The following FAM193A variants were observed in gnomAD, a reference collection of about 807,000 sequenced individuals.
FAM193A encodes the protein family with sequence similarity 193 member A.
Under a neutral mutation model 126.5 loss-of-function variants are expected in FAM193A, and 22 were observed. The observed-to-expected ratio is 0.17, with a 90% CI of 0.12 to 0.25. The LOEUF (loss-of-function observed/expected upper bound fraction) is 0.25, where lower values mean the gene tolerates loss of function less well. Ranked by LOEUF, FAM193A falls within the 10% of genes least tolerant of loss-of-function variation. FAM193A has a pLI of 1.00. For missense variants in FAM193A, 1,675 were observed against 1,672.8 expected (o/e 1.00, Z -0.02); for synonymous variants, 761 against 646.8 (o/e 1.18, Z -2.68).
chr4:2,620,890 C>G (rs1223874796), intron 2 of FAM193A, among the ~76,000 whole-genome samples: 3 of 150,230 alleles, frequency 2.0e-5, no homozygotes, highest in African/African-American at 4.9e-5. Context: ...GTCAGCCACC[C>G]AGATCCGTGA....
At position 2,699,756 on chromosome 4, in the gene FAM193A, G is replaced by GGGAGGA; in HGVS notation, c.3594_3599dup (p.Glu1198_Glu1199dup). On this transcript the variant is annotated inframe_insertion, in exon 19 of 21. Coordinates refer to ENST00000637812, the MANE Select transcript of FAM193A (RefSeq NM_001366318.2). ...CACCTCCAGGAGGAGCAGAGGCGGC[G>GGGAGGA]GGAGGAGGAGGAGGATGAGGAAGAA... 1 of 1,613,816 alleles carries GGGAGGA rather than the reference G, an allele frequency of 6.2e-7. No individual in the cohort carries two copies. The highest frequency in any genetic ancestry group is 8.5e-7 in the Non-Finnish European group (1 of 1,179,890).
At chr4:2,569,410 G>C (rs905402440) in intron 1 of FAM193A, among the ~76,000 whole-genome samples, 1 of 152,126 alleles carries the variant, frequency 6.6e-6, no homozygotes, top group Admixed American at 6.5e-5. Context: ...CAGCCCAAAG[G>C]TAGTTTATCG....
At chr4:2,665,972 G>T (rs1284337015) in intron 12 of FAM193A, among the ~76,000 whole-genome samples, 2 of 152,130 alleles carry the variant, frequency 1.3e-5, no homozygotes, top group Non-Finnish European at 2.9e-5. Context: ...TCAGCCTCCC[G>T]AGTGCTTTTA....
At chr4:2,714,362 C>T (rs1466427825) in intron 19 of FAM193A, among the ~76,000 whole-genome samples, 1 of 152,136 alleles carries the variant, frequency 6.6e-6, no homozygotes, top group Non-Finnish European at 1.5e-5. Flanking sequence ...CCTCACTCTC[C>T]AGTCACATCC....
intron 18 of FAM193A, 35 bp from the exon 19 acceptor site, chr4:2,699,645 T>C (rs773453979): frequency 1.3e-6 from 2 of 1,563,316 alleles, no homozygotes; most frequent in African/African-American, 1.4e-5. Context: ...TAGCACTCAC[T>C]GTAGTCTTAA....
At chr4:2,678,102 AT>A (rs528514279) in intron 13 of FAM193A, among the ~76,000 whole-genome samples, 131 of 151,922 alleles carry the variant, frequency 8.6e-4, no homozygotes, top group African/African-American at 2.7e-3. Flanking sequence ...GTTTCAAACG[AT>A]TCTCCTGCCT....
At chr4:2,707,665 A>G (rs1291508369) in intron 19 of FAM193A, among the ~76,000 whole-genome samples, 15 of 151,934 alleles carry the variant, frequency 9.9e-5, no homozygotes, top group Non-Finnish European at 1.5e-5. Context: ...GGCTGTTAGA[A>G]GAATCTTTTG....
At chr4:2,558,169 G>C (rs539155327) in intron 1 of FAM193A, among the ~76,000 whole-genome samples, 13 of 151,970 alleles carry the variant, frequency 8.6e-5, no homozygotes, top group Non-Finnish European at 1.3e-4. Flanking sequence ...CTACTGGGAA[G>C]GCTGAAGCAG....
chr4:2,608,093 A>G, intron 2 of FAM193A: 1 of 1,609,506 alleles, frequency 6.2e-7, no homozygotes, highest in Non-Finnish European at 8.5e-7. Flanking sequence ...TCACTCCCAG[A>G]TTAGTGCTTC....
chr4:2,672,635 G>A (rs1577179509), intron 13 of FAM193A, among the ~76,000 whole-genome samples: 2 of 152,302 alleles, frequency 1.3e-5, no homozygotes, highest in Admixed American at 6.5e-5. Flanking sequence ...GGATTTTTCA[G>A]GTGCTATTTC....
chr4:2,602,598 C>G (rs1377837422), intron 2 of FAM193A, among the ~76,000 whole-genome samples: 1 of 151,976 alleles, frequency 6.6e-6, no homozygotes. Flanking sequence ...GGTGATCCAC[C>G]CACCTTGGCC....
chr4:2,646,347 T>A (rs568634952), intron 6 of FAM193A, among the ~76,000 whole-genome samples: 2 of 152,008 alleles, frequency 1.3e-5, no homozygotes, highest in East Asian at 3.9e-4. Context: ...TTTTTTTGTA[T>A]TTTTAGTAGA....
chr4:2,551,650 A>G (rs976486447), intron 1 of FAM193A, among the ~76,000 whole-genome samples: 14 of 151,936 alleles, frequency 9.2e-5, no homozygotes, highest in African/African-American at 3.4e-4. Context: ...GATATTAGTA[A>G]CTTGTTTTTA....
At chr4:2,537,220 C>T (rs1736932320) in intron 1 of FAM193A, 50 bp downstream of exon 1, 1 of 199,062 alleles carries the variant, frequency 5.0e-6, no homozygotes, top group Non-Finnish European at 1.0e-5. Flanking sequence ...GGTTGCCGTT[C>T]CCTCGCGCCT....
intron 2 of FAM193A, among the ~76,000 whole-genome samples, chr4:2,604,376 C>T (rs970611245): frequency 3.9e-5 from 6 of 152,040 alleles, no homozygotes; most frequent in African/African-American, 1.4e-4. Flanking sequence ...TCTGTGTTTC[C>T]GTGGTTTTAT....
chr4:2,654,125 A>C (rs1021780240), intron 7 of FAM193A, among the ~76,000 whole-genome samples: 1 of 152,250 alleles, frequency 6.6e-6, no homozygotes, highest in Non-Finnish European at 1.5e-5. Context: ...TAGAAATTTT[A>C]TACTGATTCA....
chr4:2,721,592 C>T (rs1720163355), intron 20 of FAM193A, among the ~76,000 whole-genome samples: 1 of 152,232 alleles, frequency 6.6e-6, no homozygotes, highest in Admixed American at 6.5e-5. Flanking sequence ...ATGGCAAGAC[C>T]AGAGGAGGTG....
chr4:2,714,014 C>G (rs774696308), intron 19 of FAM193A, among the ~76,000 whole-genome samples: 4 of 152,114 alleles, frequency 2.6e-5, no homozygotes, highest in Non-Finnish European at 5.9e-5. Context: ...TATTCTAGTT[C>G]TAGTCAGGAA....
In FAM193A at chr4:2,659,755, G is replaced by A. The variant is rs1712180950; in HGVS notation, c.1503-57G>A. On this transcript the variant is annotated intron_variant, in intron 9 of 20. Transcript: ENST00000637812. Reference sequence around the variant, plus strand: ...GAGGCCTAGAACCGACCCTTAGAGAGCATGGTCTAGTCTTGTGCATTGGTT... The same window carrying A: ...GAGGCCTAGAACCGACCCTTAGAGAACATGGTCTAGTCTTGTGCATTGGTT... 3.1e-6 allele frequency: 5 copies of A among 1,613,694 alleles called. No individual in the cohort carries two copies. In the Admixed American group the frequency reaches 8.3e-5, roughly 27 times the overall value.
Sources: allele counts gnomAD v4.1 joint callset (sites outside exome capture counted in the v4.1 genomes callset), GRCh38; gene constraint gnomAD v4.1.1; transcripts MANE v1.5; gene names NCBI Gene and HGNC (gene_info 2026-07-23, HGNC 2026-07-21).